STK39: variants seen among roughly 807,000 people sequenced by gnomAD.
The protein encoded by STK39 is STE20/SPS1-related proline-alanine-rich protein kinase.
In STK39, 20 loss-of-function variants were observed where a neutral mutation model predicts 77.8. The observed-to-expected ratio is 0.26, with a 90% CI of 0.18 to 0.37. The LOEUF (loss-of-function observed/expected upper bound fraction) is 0.37, where lower values mean the gene tolerates loss of function less well. STK39 is among the 10% of genes least tolerant of loss of function. The probability of loss-of-function intolerance (pLI) is 1.00; values close to 1 mark genes in which losing one functional copy is unlikely to be tolerated. For synonymous variants in STK39, 246 were observed against 234.1 expected (o/e 1.05, Z -0.47); for missense variants, 479 against 656.5 (o/e 0.73, Z 2.95).
chr2:168,073,283 C>T (rs535766301), intron 12 of STK39, among the ~76,000 whole-genome samples: 1 of 152,252 alleles, frequency 6.6e-6, no homozygotes, highest in Non-Finnish European at 1.5e-5. Flanking sequence ...GACCTGCACC[C>T]ATCAGCCTTA....
At chr2:168,227,874 G>T (rs1384462498) in intron 1 of STK39, among the ~76,000 whole-genome samples, 1 of 151,980 alleles carries the variant, frequency 6.6e-6, no homozygotes, top group Non-Finnish European at 1.5e-5. Context: ...AGCCAGGATG[G>T]TCTTGATCTC....
At chr2:168,241,914 G>A (rs901030455) in intron 1 of STK39, among the ~76,000 whole-genome samples, 1 of 152,196 alleles carries the variant, frequency 6.6e-6, no homozygotes, top group Non-Finnish European at 1.5e-5. Flanking sequence ...GCTCAAGGTC[G>A]CAGCGTCAGT....
chr2:168,223,171 A>G (rs939612004), intron 1 of STK39, among the ~76,000 whole-genome samples: 1 of 152,120 alleles, frequency 6.6e-6, no homozygotes, highest in Admixed American at 6.6e-5. Flanking sequence ...GTTTCCTCCA[A>G]TTGCCAAGTG....
intron 10 of STK39, among the ~76,000 whole-genome samples, chr2:168,105,320 C>A (rs192937488): frequency 6.6e-6 from 1 of 152,150 alleles, no homozygotes; most frequent in Non-Finnish European, 1.5e-5. Context: ...AAAAGGCCTG[C>A]GCTCTCTTAG....
At chr2:168,182,116 G>A (rs770706822) in intron 1 of STK39, 26 bp from the exon 2 acceptor site, 1 of 1,582,460 alleles carries the variant, frequency 6.3e-7, no homozygotes, top group Non-Finnish European at 8.7e-7. Context: ...AACAACATCA[G>A]CGATCAAATG....
intron 14 of STK39, among the ~76,000 whole-genome samples, chr2:168,058,147 C>T (rs1236300722): frequency 6.6e-6 from 1 of 152,228 alleles, no homozygotes; most frequent in Non-Finnish European, 1.5e-5. Flanking sequence ...CCCCTGTTCT[C>T]TCTTGCCAAT....
chr2:168,114,390 C>T (rs574404120), intron 10 of STK39, among the ~76,000 whole-genome samples: 3 of 152,272 alleles, frequency 2.0e-5, no homozygotes, highest in Admixed American at 6.5e-5. Flanking sequence ...TGTTCCCTGA[C>T]GCACAATGAG....
intron 16 of STK39, among the ~76,000 whole-genome samples, chr2:168,005,427 AAATC>A (rs1684107543): frequency 6.6e-6 from 1 of 152,176 alleles, no homozygotes. Context: ...AAAAAAAAAA[AAATC>A]AATCATAGTG....
intron 14 of STK39, among the ~76,000 whole-genome samples, chr2:168,037,287 A>C (rs7605419): frequency 0.081 from 12,294 of 152,262 alleles, 797 homozygotes; most frequent in East Asian, 0.22. Flanking sequence ...TTACAAAATG[A>C]TAAGAGGAAA....
At chr2:168,125,385 G>A (rs1050950239) in intron 10 of STK39, among the ~76,000 whole-genome samples, 7 of 152,248 alleles carry the variant, frequency 4.6e-5, no homozygotes, top group African/African-American at 1.4e-4. Flanking sequence ...CCCTCAGAAA[G>A]TCACAGGAGA....
At chr2:168,186,331 T>G (rs1208281210) in intron 1 of STK39, among the ~76,000 whole-genome samples, 2 of 152,158 alleles carry the variant, frequency 1.3e-5, no homozygotes, top group African/African-American at 4.8e-5. Context: ...CCACTCAGTA[T>G]ATGGTATTTT....
intron 14 of STK39, among the ~76,000 whole-genome samples, chr2:168,030,160 A>T (rs1405502812): frequency 1.3e-5 from 2 of 152,160 alleles, no homozygotes; most frequent in East Asian, 3.8e-4. Context: ...GAATGGCATG[A>T]ATCTGGGAGG....
chr2:168,048,714 C>T (rs560721157), intron 14 of STK39, among the ~76,000 whole-genome samples: 1 of 152,282 alleles, frequency 6.6e-6, no homozygotes, highest in South Asian at 2.1e-4. Flanking sequence ...TTTCCACCAC[C>T]TTTGTTGTTG....
intron 15 of STK39, among the ~76,000 whole-genome samples, chr2:168,016,538 G>A (rs1434173687): frequency 1.3e-5 from 2 of 152,178 alleles, no homozygotes; most frequent in African/African-American, 4.8e-5. Context: ...ACCGCAGAGG[G>A]GGTCAAAGGG....
intron 1 of STK39, among the ~76,000 whole-genome samples, chr2:168,243,217 T>C (rs889197564): frequency 5.3e-5 from 8 of 152,036 alleles, no homozygotes; most frequent in East Asian, 1.9e-4. Flanking sequence ...CCCCAAACCA[T>C]AGAAATCCAC....
intron 16 of STK39, among the ~76,000 whole-genome samples, chr2:167,984,958 A>C (rs192099961): frequency 1.3e-5 from 2 of 152,312 alleles, no homozygotes; most frequent in Admixed American, 1.3e-4. Flanking sequence ...TGTAAAAAAA[A>C]CTAATGAAGT....
chr2:168,157,633 G>A (rs1057222190), intron 5 of STK39, among the ~76,000 whole-genome samples: 4 of 152,086 alleles, frequency 2.6e-5, no homozygotes, highest in African/African-American at 9.7e-5. Flanking sequence ...GCTCTCTGGG[G>A]CCTCTTTATA....
At chr2:167,964,800 A>C in intron 16 of STK39, 74 bp from the exon 17 acceptor site, 2 of 1,331,134 alleles carry the variant, frequency 1.5e-6, no homozygotes, top group South Asian at 1.3e-5. Context: ...TCAATGACTC[A>C]GAAAATTTGA....
chr2:168,119,166 T>G (rs991036477), intron 10 of STK39, among the ~76,000 whole-genome samples: 1 of 152,140 alleles, frequency 6.6e-6, no homozygotes, highest in African/African-American at 2.4e-5. Context: ...AAACACAAAG[T>G]GGAGAGAGGA....
Sources: gnomAD v4.1 joint callset for allele counts (sites outside exome capture counted in the v4.1 genomes callset) on GRCh38, gnomAD v4.1.1 for gene constraint, MANE v1.5 for transcripts, NCBI Gene and HGNC (gene_info 2026-07-23, HGNC 2026-07-21) for gene names.